INCENP: variants seen among roughly 807,000 people sequenced by gnomAD.
INCENP encodes binds and activates aurora-B and -C in vivo and in vitro.
In INCENP, 43 loss-of-function variants were observed where a neutral mutation model predicts 107.3. The ratio of observed to expected loss-of-function variants is 0.40; its 90% CI spans 0.31 to 0.52. The LOEUF is 0.52. Ranked by LOEUF, INCENP falls within the 20% of genes least tolerant of loss-of-function variation. INCENP has a pLI of 0.53. For synonymous variants in INCENP, 488 were observed against 494.4 expected (o/e 0.99, Z 0.17); for missense variants, 1,089 against 1,250.9 (o/e 0.87, Z 1.95).
intron 1 of INCENP, among the ~76,000 whole-genome samples, chr11:62,126,557 C>T (rs919308028): frequency 1.1e-4 from 16 of 152,152 alleles, no homozygotes; most frequent in Non-Finnish European, 2.4e-4. Context: ...TTGAGGCATG[C>T]AGTTTGTTGT....
At chr11:62,140,674 C>T (rs1034868135) in intron 8 of INCENP, 30 bp from the exon 9 acceptor site, 4 of 1,528,266 alleles carry the variant, frequency 2.6e-6, no homozygotes, top group African/African-American at 2.8e-5. Context: ...GGCGGGCTGC[C>T]CTGTGATGCC....
At chr11:62,140,612 G>A in intron 8 of INCENP, 92 bp from the exon 9 acceptor site, 1 of 1,093,358 alleles carries the variant, frequency 9.1e-7, no homozygotes, top group Non-Finnish European at 1.3e-6. Context: ...CCTGTGGCCT[G>A]GGCCCGGTAT....
chr11:62,136,603 C>A (rs920025505), intron 4 of INCENP, among the ~76,000 whole-genome samples: 2 of 152,104 alleles, frequency 1.3e-5, no homozygotes, highest in African/African-American at 4.8e-5. Context: ...ATCCCTTGAA[C>A]CCATGAGGTG....
Position 62,145,520 on chromosome 11 carries a change from C to T in INCENP, c.1837-109C>T. Reference sequence around the variant, plus strand: ...GTGTCCTCTCCCTGGGTGGTGGGAACAAGCCAGGTGTGCAGGGGCAGGTGG... The same window carrying T: ...GTGTCCTCTCCCTGGGTGGTGGGAATAAGCCAGGTGTGCAGGGGCAGGTGG... On this transcript the variant is annotated intron_variant, in intron 13 of 18. Transcript: ENST00000394818. The T allele has an allele frequency of 7.7e-6, 11 of 1,419,916 alleles. No individual in the cohort carries two copies. In the South Asian group the frequency reaches 1.6e-4, roughly 20 times the overall value. The allele number at this position is 1,419,916 out of a possible 1,614,324, so 88.0% of individuals were successfully genotyped here.
rs762440386 is a variant in INCENP, at chr11:62,138,771, G to T, written c.1173+1G>T. ...GCCTGTGGCGGCAGCTGAGCCAGAG[G>T]TAAGACGGCTGCCTGGGGAAGGGAG... is the stretch of plus-strand genomic sequence containing the variant. On this transcript the variant is annotated splice_donor_variant, in intron 6 of 18. Transcript: ENST00000394818. LOFTEE classifies it high-confidence loss of function. 1 of 1,614,034 alleles carries T rather than the reference G, an allele frequency of 6.2e-7. No individual in the cohort carries two copies. Among genetic ancestry groups the T allele is most frequent in the Non-Finnish European group, 8.5e-7 (1 of 1,179,958 alleles).
rs77555538 is a variant in INCENP, at chr11:62,130,360, G to C, written c.833G>C (p.Arg278Pro). The change falls in exon 4 of 19, where the codon CGG (arginine) becomes CCG (proline). Residue 278 changes from arginine (R) to proline (P), a missense_variant. Physicochemically the swap from Arg to Pro is moderately radical, Grantham distance 103 (BLOSUM62 -2). Transcript: ENST00000394818. ...CCAGCCTTTCCAGATTCTCCATGGC[G>C]GGAGCGGGTGCTGGCTCCCATCCTG... is the stretch of plus-strand genomic sequence containing the variant. The part of the protein sequence containing the change: ...DSPAFPDSPW[R>P]ERVLAPILPD... The C allele has an allele frequency of 6.2e-7, 1 of 1,612,170 alleles. No individual in the cohort carries two copies. The highest frequency in any genetic ancestry group is 1.7e-5 in the Admixed American group (1 of 60,000).
At position 62,127,905 on chromosome 11, in the gene INCENP, G is replaced by C. The variant is rs868596857; in HGVS notation, c.-11-246G>C. Among the ~76,000 whole-genome samples, 8 of 152,210 alleles carry C rather than the reference G, an allele frequency of 5.3e-5. No homozygotes were observed. The South Asian group carries it at 8.3e-4, about 16-fold the overall frequency. ...CTTATGGGGACAGTCATGCTGGCGG[G>C]GGGGTGGGGACAGGGAGGTATTTGA... On this transcript the variant is annotated intron_variant, in intron 1 of 18. Transcript: ENST00000394818.
In INCENP at chr11:62,128,269, A is replaced by G. The variant is rs1675131; in HGVS notation, c.108A>G (p.Glu36=). 993,695 of 1,613,518 alleles carry G rather than the reference A, an allele frequency of 0.62. 325,898 individuals carry two copies. Among genetic ancestry groups the G allele is most frequent in the Non-Finnish European group, 0.69 (811,122 of 1,179,636 alleles). Reference sequence around the variant, plus strand: ...ATAAGGACTTGGTGTGGCTTGAGGAAATCCAAGAGGAGGCCGAGCGCATGT... The same window carrying G: ...ATAAGGACTTGGTGTGGCTTGAGGAGATCCAAGAGGAGGCCGAGCGCATGT... ...MDNKDLVWLE[E]IQEEAERMFT... Residue 36 remains glutamate (E), a synonymous_variant, in exon 2 of 19, where the codon GAA becomes GAG. Coordinates refer to ENST00000394818, the MANE Select transcript of INCENP (RefSeq NM_001040694.2).
chr11:62,137,962 C>T, intron 5 of INCENP, 79 bp downstream of exon 5: 1 of 1,296,348 alleles, frequency 7.7e-7, no homozygotes, highest in Non-Finnish European at 1.1e-6. Flanking sequence ...GGGCTGGAAG[C>T]AATTCCTGGG....
intron 18 of INCENP, among the ~76,000 whole-genome samples, chr11:62,151,120 C>T (rs1032830278): frequency 2.0e-5 from 3 of 152,184 alleles, no homozygotes; most frequent in Admixed American, 6.5e-5. Flanking sequence ...TTTCCTCATC[C>T]GTGAAAGGGG....
At chr11:62,149,876 C>T (rs1284764583) in intron 17 of INCENP, among the ~76,000 whole-genome samples, 181 bp from the exon 18 acceptor site, 3 of 150,206 alleles carry the variant, frequency 2.0e-5, no homozygotes, top group Non-Finnish European at 4.4e-5. Context: ...GAGCCGAGAT[C>T]ACACCACTGC....
intron 4 of INCENP, among the ~76,000 whole-genome samples, chr11:62,133,560 G>A (rs1943933858): frequency 6.6e-6 from 1 of 152,220 alleles, no homozygotes; most frequent in South Asian, 2.1e-4. Context: ...CCATCCCTCT[G>A]CCAGTGCTTA....
intron 1 of INCENP, among the ~76,000 whole-genome samples, chr11:62,127,798 G>A (rs1943787468): frequency 6.6e-6 from 1 of 152,054 alleles, no homozygotes; most frequent in Non-Finnish European, 1.5e-5. Flanking sequence ...GAAGACAGAT[G>A]GCAGTGCCCT....
At chr11:62,146,613 T>A (rs1256647745) in intron 14 of INCENP, 45 bp from the exon 15 acceptor site, 16 of 1,547,268 alleles carry the variant, frequency 1.0e-5, no homozygotes. Flanking sequence ...CCTGCCTCTC[T>A]GGCCTGGGCC....
chr11:62,132,082 C>T (rs1484644293), intron 4 of INCENP, among the ~76,000 whole-genome samples: 1 of 152,220 alleles, frequency 6.6e-6, no homozygotes, highest in Non-Finnish European at 1.5e-5. Flanking sequence ...AGCTACTGCG[C>T]CCAGCCCAGG....
chr11:62,125,703 G>A (rs890543333), intron 1 of INCENP, among the ~76,000 whole-genome samples: 6 of 152,218 alleles, frequency 3.9e-5, no homozygotes, highest in Non-Finnish European at 7.3e-5. Context: ...AGCACCTATA[G>A]GATGTTTATT....
At chr11:62,127,908 G>A (rs1027051791) in intron 1 of INCENP, among the ~76,000 whole-genome samples, 1 of 152,150 alleles carries the variant, frequency 6.6e-6, no homozygotes, top group South Asian at 2.1e-4. Flanking sequence ...CTGGCGGGGG[G>A]GTGGGGACAG....
chr11:62,145,835 A>C (rs1590626125), intron 14 of INCENP, 84 bp downstream of exon 14: 1 of 1,449,252 alleles, frequency 6.9e-7, no homozygotes, highest in Non-Finnish European at 9.2e-7. Flanking sequence ...GGTGCACCCC[A>C]CCTTGTGGGG....
chr11:62,149,301 C>A (rs1944323105), intron 17 of INCENP, among the ~76,000 whole-genome samples: 1 of 152,108 alleles, frequency 6.6e-6, no homozygotes, highest in South Asian at 2.1e-4. Context: ...CTGTCTATTT[C>A]AACACAGGTC....
Sources: gnomAD v4.1 joint callset for allele counts (sites outside exome capture counted in the v4.1 genomes callset) on GRCh38, gnomAD v4.1.1 for gene constraint, MANE v1.5 for transcripts, NCBI Gene and HGNC (gene_info 2026-07-23, HGNC 2026-07-21) for gene names.